The following GNA14 variants were observed in gnomAD, a reference collection of about 807,000 sequenced individuals.
GNA14 encodes G protein subunit alpha 14.
GNA14 carries 50 observed loss-of-function variants against 42.0 expected under a neutral mutation model. That is an observed-to-expected ratio of 1.19 (90% CI 0.95 to 1.51). The LOEUF (loss-of-function observed/expected upper bound fraction) is 1.51, where lower values mean the gene tolerates loss of function less well. GNA14 is among the 40% of genes most tolerant of loss of function. The pLI, the probability that GNA14 is intolerant of heterozygous loss-of-function variation, is 0.00. For missense variants in GNA14, 473 were observed against 446.2 expected (o/e 1.06, Z -0.54); for synonymous variants, 173 against 163.1 (o/e 1.06, Z -0.46).
At chr9:77,619,087 T>G (rs1587850236) in intron 1 of GNA14, among the ~76,000 whole-genome samples, 1 of 152,194 alleles carries the variant, frequency 6.6e-6, no homozygotes, top group African/African-American at 2.4e-5. Context: ...ACAGCCCTGG[T>G]TTGGAGAGAT....
intron 2 of GNA14, among the ~76,000 whole-genome samples, chr9:77,480,089 T>G (rs1398230250): frequency 1.3e-5 from 2 of 152,154 alleles, no homozygotes; most frequent in Admixed American, 6.5e-5. Flanking sequence ...AACACTATAT[T>G]GAATAGGAGT....
At chr9:77,428,165 G>A (rs578157106) in intron 5 of GNA14, among the ~76,000 whole-genome samples, 20 of 144,680 alleles carry the variant, frequency 1.4e-4, no homozygotes, top group African/African-American at 3.1e-4. Context: ...TGCAAGCTCC[G>A]CCTCCCGGGT....
intron 1 of GNA14, among the ~76,000 whole-genome samples, chr9:77,557,570 A>G (rs1234701090): frequency 1.3e-5 from 2 of 152,214 alleles, no homozygotes; most frequent in Non-Finnish European, 2.9e-5. Flanking sequence ...CAGAGTATGA[A>G]ACTATCTTTT....
At chr9:77,576,767 G>C (rs1247443564) in intron 1 of GNA14, among the ~76,000 whole-genome samples, 1 of 138,354 alleles carries the variant, frequency 7.2e-6, no homozygotes, top group Non-Finnish European at 1.6e-5. Context: ...GCAATGACTT[G>C]GTAACAAACG....
intron 1 of GNA14, among the ~76,000 whole-genome samples, chr9:77,626,428 A>T (rs1824014087): frequency 6.6e-6 from 1 of 152,324 alleles, no homozygotes; most frequent in East Asian, 1.9e-4. Context: ...AATCAACAGA[A>T]TATACATTCT....
intron 2 of GNA14, among the ~76,000 whole-genome samples, chr9:77,470,264 C>A (rs969633708): frequency 2.6e-5 from 4 of 152,148 alleles, no homozygotes; most frequent in Non-Finnish European, 5.9e-5. Context: ...AGGACATGGG[C>A]TGACACCAGG....
In GNA14 at chr9:77,456,431, A is replaced by G. The variant is rs376503780; in HGVS notation, c.310-21909T>C. On this transcript the variant is annotated intron_variant, in intron 2 of 6. Coordinates refer to ENST00000341700, the MANE Select transcript of GNA14 (RefSeq NM_004297.4). Reference sequence around the variant, plus strand: ...AAGTGCTCTTCTACAATGTAAAACAAACTTCTCTGAAGTACAGAACTTGGT... The same window carrying G: ...AAGTGCTCTTCTACAATGTAAAACAGACTTCTCTGAAGTACAGAACTTGGT... 9.8e-5 allele frequency: 15 copies of G among 152,384 alleles called. No homozygotes were observed. In the East Asian group the frequency reaches 1.9e-3, roughly 20 times the overall value. The allele number at this position is 152,384 out of a possible 1,614,324, so 9.4% of individuals were successfully genotyped here.
At chr9:77,547,696 T>G (rs2131779851) in intron 1 of GNA14, among the ~76,000 whole-genome samples, 1 of 152,364 alleles carries the variant, frequency 6.6e-6, no homozygotes, top group East Asian at 1.9e-4. Context: ...ATTTCTAGCA[T>G]GCTAGTTAAC....
At chr9:77,454,061 C>G (rs963843393) in intron 2 of GNA14, among the ~76,000 whole-genome samples, 4 of 152,222 alleles carry the variant, frequency 2.6e-5, no homozygotes, top group Non-Finnish European at 5.9e-5. Context: ...TCGCCCGCTC[C>G]GTGCAGCATC....
At chr9:77,436,005 G>A (rs549761435) in intron 2 of GNA14, among the ~76,000 whole-genome samples, 15 of 152,244 alleles carry the variant, frequency 9.9e-5, no homozygotes, top group African/African-American at 2.6e-4. Flanking sequence ...AAGTGTAGAC[G>A]GTACCTCCTG....
At chr9:77,608,330 T>C (rs1205937467) in intron 1 of GNA14, among the ~76,000 whole-genome samples, 1 of 152,160 alleles carries the variant, frequency 6.6e-6, no homozygotes, top group Non-Finnish European at 1.5e-5. Flanking sequence ...GGTTCACAGA[T>C]GGAGAGGAAT....
chr9:77,437,409 G>C (rs1215888340), intron 2 of GNA14, among the ~76,000 whole-genome samples: 1 of 152,088 alleles, frequency 6.6e-6, no homozygotes, highest in Non-Finnish European at 1.5e-5. Flanking sequence ...AGCTGGGTTT[G>C]GTGGTGCATG....
intron 2 of GNA14, among the ~76,000 whole-genome samples, chr9:77,481,622 T>C (rs1836553995): frequency 6.6e-6 from 1 of 152,188 alleles, no homozygotes. Flanking sequence ...TTCTGTCTCA[T>C]TGATCTGTCT....
rs201352021 is a variant in GNA14 at position 77,644,436 on chromosome 9, T to TC, written c.124+3233dup. Among the ~76,000 whole-genome samples the TC allele has an allele frequency of 8.0e-3, 282 of 35,174 alleles. 9 individuals are homozygous for TC. Among genetic ancestry groups the TC allele is most frequent in the African/African-American group, 0.064 (272 of 4,260 alleles). The allele number at this position is 35,174 out of a possible 152,430, so 23.1% of individuals were successfully genotyped here. On this transcript the variant is annotated intron_variant, in intron 1 of 6. Transcript: ENST00000341700. ...TTACTGAACTCCAACCTAAAGAGTG[T>TC]CAAAAAAAAAAAAAAAAAAAAAAAA...
intron 1 of GNA14, among the ~76,000 whole-genome samples, chr9:77,607,821 A>G (rs1241179069): frequency 1.3e-5 from 2 of 152,094 alleles, no homozygotes; most frequent in Non-Finnish European, 2.9e-5. Context: ...GAGAGAGAGA[A>G]AAAAAAACTC....
chr9:77,637,839 A>C (rs1318391646), intron 1 of GNA14, among the ~76,000 whole-genome samples: 1 of 152,214 alleles, frequency 6.6e-6, no homozygotes, highest in East Asian at 1.9e-4. Context: ...TAATACAGAG[A>C]GTACCAGGAG....
At chr9:77,578,714 C>G (rs193252300) in intron 1 of GNA14, among the ~76,000 whole-genome samples, 88 of 152,334 alleles carry the variant, frequency 5.8e-4, no homozygotes, top group South Asian at 1.2e-3. Context: ...ACCTTAACCT[C>G]ATACTTCCCA....
intron 2 of GNA14, among the ~76,000 whole-genome samples, chr9:77,520,978 G>A (rs11145457): frequency 0.11 from 16,232 of 152,148 alleles, 1,008 homozygotes; most frequent in Non-Finnish European, 0.12. Context: ...AATTGTGACG[G>A]CAATCAAGAA....
In GNA14 at chr9:77,437,854, A is replaced by G. The variant is rs142632165; in HGVS notation, c.310-3332T>C. On this transcript the variant is annotated intron_variant, in intron 2 of 6. Transcript: ENST00000341700. ...GCAATCAACTCAAAAGTTATCATCC[A>G]CAAAGTTAAGTAAGCTGAACTTCAG... 5.5e-3 allele frequency among the ~76,000 whole-genome samples: 838 copies of G among 152,304 alleles called. 9 individuals carry two copies. The highest frequency in any genetic ancestry group is 0.019 in the African/African-American group (809 of 41,548).
Sources: gnomAD v4.1 joint callset for allele counts (sites outside exome capture counted in the v4.1 genomes callset) on GRCh38, gnomAD v4.1.1 for gene constraint, MANE v1.5 for transcripts, NCBI Gene and HGNC (gene_info 2026-07-23, HGNC 2026-07-21) for gene names.